DCLRE1C: variants seen among roughly 807,000 people sequenced by gnomAD.
The protein encoded by DCLRE1C is protein artemis.
DCLRE1C carries 47 observed loss-of-function variants against 61.4 expected under a neutral mutation model. That is an observed-to-expected ratio of 0.77 (90% CI 0.61 to 0.98). The LOEUF is 0.98. Ranked by LOEUF, DCLRE1C falls within the 50% of genes least tolerant of loss-of-function variation. The pLI, the probability that DCLRE1C is intolerant of heterozygous loss-of-function variation, is 0.00. For synonymous variants in DCLRE1C, 337 were observed against 287.6 expected (o/e 1.17, Z -1.74); for missense variants, 858 against 816.0 (o/e 1.05, Z -0.63).
At chr10:14,933,719 T>C (rs1362956020) in intron 8 of DCLRE1C, among the ~76,000 whole-genome samples, 1 of 152,168 alleles carries the variant, frequency 6.6e-6, no homozygotes, top group African/African-American at 2.4e-5. Context: ...AATAATCCAC[T>C]GCCATATCTC....
In DCLRE1C at chr10:14,926,824, G is replaced by GT; in HGVS notation, c.972+18dup. The stretch of plus-strand genomic sequence containing the variant: ...GAACACTGAGCGATAAGGGTTATGA[G>GT]TATATGGGATCCTCTTACCTCACTG... On this transcript the variant is annotated intron_variant, in intron 11 of 13. Transcript: ENST00000378278. The GT allele has an allele frequency of 6.2e-7, 1 of 1,604,488 alleles. No homozygotes were observed. The highest frequency in any genetic ancestry group is 8.5e-7 in the Non-Finnish European group (1 of 1,171,370).
chr10:14,902,546 A>AT (rs748476490), downstream of DCLRE1C: 5 of 1,347,616 alleles, frequency 3.7e-6, no homozygotes, highest in African/African-American at 4.5e-5. Flanking sequence ...TGATTATAAT[A>AT]TTTTTTTCCT....
rs1269565300 is a variant in DCLRE1C at position 14,906,782 on chromosome 10, C to T, written c.*1626G>A. Reference sequence around the variant, plus strand: ...AAGTGTTCCTGAATATCTGTTAAAACTTGTTAAAAATCCTCATACATAACA... The same window carrying T: ...AAGTGTTCCTGAATATCTGTTAAAATTTGTTAAAAATCCTCATACATAACA... On this transcript the variant is annotated 3_prime_UTR_variant, in exon 14 of 14. Coordinates refer to ENST00000378278, the MANE Select transcript of DCLRE1C (RefSeq NM_001033855.3). Among the ~76,000 whole-genome samples the T allele has an allele frequency of 6.6e-6, 1 of 152,204 alleles. No homozygotes were observed. The highest frequency in any genetic ancestry group is 1.5e-5 in the Non-Finnish European group (1 of 68,030).
At chr10:14,915,760 T>A (rs569988865) in intron 13 of DCLRE1C, among the ~76,000 whole-genome samples, 1 of 151,918 alleles carries the variant, frequency 6.6e-6, no homozygotes, top group Non-Finnish European at 1.5e-5. Context: ...TTCCAGAGAC[T>A]GAGAATAAAC....
rs754654974 is a variant in DCLRE1C, at chr10:14,934,686, C to A, written c.537+17G>T. 2 of 1,613,314 alleles carry A rather than the reference C, an allele frequency of 1.2e-6. No individual in the cohort carries two copies. Among genetic ancestry groups the A allele is most frequent in the South Asian group, 2.2e-5 (2 of 91,042 alleles). On this transcript the variant is annotated intron_variant, in intron 7 of 13. Transcript: ENST00000378278. ...GGCACACCCAGATGATAACCCTGTT[C>A]CTCCAGGCAGACTTACCCGACTTGG...
Position 14,939,871 on chromosome 10 carries a change from T to C in DCLRE1C, c.247-2A>G, listed in dbSNP as rs2131027694. 45 of 1,589,546 alleles carry C rather than the reference T, an allele frequency of 2.8e-5. No homozygotes were observed. The highest frequency in any genetic ancestry group is 3.9e-5 in the Non-Finnish European group (45 of 1,160,074). ...AGGAGTCTCGATTTCAATAGATATCTATAAAAATAAAATAAGAGACCATGT... is the reference window on the plus strand; with the variant it reads ...AGGAGTCTCGATTTCAATAGATATCCATAAAAATAAAATAAGAGACCATGT... On this transcript the variant is annotated splice_acceptor_variant, in intron 3 of 13. Transcript: ENST00000378278. LOFTEE classifies it high-confidence loss of function.
At chr10:14,934,672 A>G (rs1292957575) in intron 7 of DCLRE1C, 31 bp downstream of exon 7, 1 of 1,612,646 alleles carries the variant, frequency 6.2e-7, no homozygotes, top group South Asian at 1.1e-5. Flanking sequence ...GCACACCCAG[A>G]TGATAACCCT....
rs1834342035 is a variant in DCLRE1C, at chr10:14,905,790, G to A, written c.*2618C>T. 6.6e-6 allele frequency among the ~76,000 whole-genome samples: 1 copy of A among 152,136 alleles called. No individual in the cohort carries two copies. The highest frequency in any genetic ancestry group is 2.1e-4 in the South Asian group (1 of 4,832). On this transcript the variant is annotated 3_prime_UTR_variant, in exon 14 of 14. Coordinates refer to ENST00000378278, the MANE Select transcript of DCLRE1C (RefSeq NM_001033855.3). ...ACCAGAGGTCAGGAGTTCAAGACCA[G>A]TCTGACCAATATGGTGAAACCCTGT...
At chr10:14,937,893 C>CAAAAAA (rs749452841) in intron 4 of DCLRE1C, among the ~76,000 whole-genome samples, 1 of 40,674 alleles carries the variant, frequency 2.5e-5, no homozygotes, top group African/African-American at 8.9e-5. Context: ...GGCTCAGTCT[C>CAAAAAA]AAAAAAAAAA....
In DCLRE1C at chr10:14,947,158, G is replaced by A. The variant is rs41304342; in HGVS notation, c.161+1878C>T. ...ACCTGGGAGGCAGAGATTGCAGTGAGCCAACATCACGCTACTGCACTCCTG... is the reference window on the plus strand; with the variant it reads ...ACCTGGGAGGCAGAGATTGCAGTGAACCAACATCACGCTACTGCACTCCTG... On this transcript the variant is annotated intron_variant, in intron 2 of 13. Coordinates refer to ENST00000378278, the MANE Select transcript of DCLRE1C (RefSeq NM_001033855.3). Among the ~76,000 whole-genome samples, 415 of 152,270 alleles carry A rather than the reference G, an allele frequency of 2.7e-3. 2 individuals carry two copies. Among genetic ancestry groups the A allele is most frequent in the Non-Finnish European group, 4.9e-3 (333 of 68,038 alleles).
chr10:14,932,564 G>A (rs7924213), intron 9 of DCLRE1C, among the ~76,000 whole-genome samples: 68,274 of 151,822 alleles, frequency 0.45, 18,064 homozygotes, highest in African/African-American at 0.73. Context: ...TGAACCCAGG[G>A]GGCGGAGCTT....
At position 14,923,579 on chromosome 10, in the gene DCLRE1C, G is replaced by T. The variant is rs41299652; in HGVS notation, c.973-510C>A. On this transcript the variant is annotated intron_variant, in intron 11 of 13. Coordinates refer to ENST00000378278, the MANE Select transcript of DCLRE1C (RefSeq NM_001033855.3). ...CAGCTACTCAAGGCTGAGGCAGGAG[G>T]ATTGCTTAAGCCCAGGGATTTGAGG... 895 of 161,082 alleles carry T rather than the reference G, an allele frequency of 5.6e-3. 21 individuals carry two copies. In the East Asian group the frequency reaches 0.078, roughly 14 times the overall value. 10.0% of individuals were successfully genotyped at this position (161,082 alleles called of 1,614,324 possible). A position where few individuals can be genotyped will look rare whatever the true frequency, so the allele number is the denominator to read the frequency against.
Position 14,908,266 on chromosome 10 carries a change from G to T in DCLRE1C, c.*142C>A, listed in dbSNP as rs1253004831. On this transcript the variant is annotated 3_prime_UTR_variant, in exon 14 of 14. Coordinates refer to ENST00000378278, the MANE Select transcript of DCLRE1C (RefSeq NM_001033855.3). ...CTCAAGCCATTGCCCACCTCAAAGT[G>T]CTGGGATTACAAGTGTGAGCCACCA... 5 of 678,626 alleles carry T rather than the reference G, an allele frequency of 7.4e-6. No homozygotes were observed. The African/African-American group carries it at 7.6e-5, about 10-fold the overall frequency. The allele number at this position is 678,626 out of a possible 1,614,324, so 42.0% of individuals were successfully genotyped here.
At chr10:14,901,329 C>G (rs1160565838), downstream of DCLRE1C, 1 of 1,593,066 alleles carries the variant, frequency 6.3e-7, no homozygotes, top group South Asian at 1.1e-5. Context: ...AGACTAGGAA[C>G]AGACCTTAGA....
chr10:14,920,427 G>A (rs1212118358), intron 12 of DCLRE1C: 4 of 1,011,334 alleles, frequency 4.0e-6, no homozygotes, highest in East Asian at 9.7e-5. Flanking sequence ...GCAGATTCCG[G>A]GAAGCCTTTA....
At chr10:14,938,952 G>A (rs546852846) in intron 4 of DCLRE1C, among the ~76,000 whole-genome samples, 5 of 152,230 alleles carry the variant, frequency 3.3e-5, no homozygotes, top group Admixed American at 6.5e-5. Flanking sequence ...CTAAATGTTC[G>A]TGTCCCTCCC....
Position 14,945,362 on chromosome 10 carries a change from T to A in DCLRE1C, c.162-173A>T, listed in dbSNP as rs1046168859. The stretch of plus-strand genomic sequence containing the variant: ...ATACTAGCCTGGCATGGTTATGAAA[T>A]CTATTTCATCATACATCTAATAATT... On this transcript the variant is annotated intron_variant, in intron 2 of 13. Transcript: ENST00000378278. 1.1e-5 allele frequency: 15 copies of A among 1,362,900 alleles called. No individual in the cohort carries two copies. The African/African-American group carries it at 2.1e-4, about 19-fold the overall frequency. 84.4% of individuals were successfully genotyped at this position (1,362,900 alleles called of 1,614,324 possible). A position where few individuals can be genotyped will look rare whatever the true frequency, so the allele number is the denominator to read the frequency against.
chr10:14,950,849 G>A (rs1490952795), intron 1 of DCLRE1C, among the ~76,000 whole-genome samples: 2 of 152,182 alleles, frequency 1.3e-5, no homozygotes, highest in African/African-American at 2.4e-5. Flanking sequence ...ACTGCACCCA[G>A]GTCTGCTTTT....
intron 13 of DCLRE1C, among the ~76,000 whole-genome samples, chr10:14,910,449 G>GA (rs1375371007): frequency 6.6e-6 from 1 of 152,104 alleles, no homozygotes; most frequent in Non-Finnish European, 1.5e-5. Context: ...AGGCTCAGGA[G>GA]ATCCACCCCC....
Sources: allele counts gnomAD v4.1 joint callset (sites outside exome capture counted in the v4.1 genomes callset), GRCh38; gene constraint gnomAD v4.1.1; transcripts MANE v1.5; gene names NCBI Gene and HGNC (gene_info 2026-07-23, HGNC 2026-07-21).